Variants in DACH1 observed in about 807,000 individuals in gnomAD.
The protein encoded by DACH1 is dachshund homolog 1.
Under a neutral mutation model 54.2 loss-of-function variants are expected in DACH1, and 12 were observed. The observed-to-expected ratio is 0.22, with a 90% confidence interval of 0.14 to 0.36. DACH1 has a LOEUF of 0.36. Ranked by LOEUF, DACH1 falls within the 10% of genes least tolerant of loss-of-function variation. DACH1 has a pLI of 1.00. For missense variants in DACH1, 805 were observed against 929.8 expected (o/e 0.87, Z 1.75); for synonymous variants, 386 against 366.2 (o/e 1.05, Z -0.62).
At chr13:71,799,176 G>A (rs74099140) in intron 1 of DACH1, among the ~76,000 whole-genome samples, 4,463 of 152,116 alleles carry the variant, frequency 0.029, 217 homozygotes, top group African/African-American at 0.1. Context: ...GCCCAGAAGT[G>A]TTTATTTGTA....
rs117739822 is a variant in DACH1, at chr13:71,863,941, T to C, written c.848+1981A>G. On this transcript the variant is annotated intron_variant, in intron 1 of 10. Coordinates refer to ENST00000613252, the MANE Select transcript of DACH1 (RefSeq NM_080759.6). The stretch of plus-strand genomic sequence containing the variant: ...TTTACTGGATAGGCAGACAATTTTA[T>C]AACAATCGTATCTGAACTAGCTTCA... 3.7e-3 allele frequency among the ~76,000 whole-genome samples: 564 copies of C among 151,786 alleles called. 8 individuals are homozygous for C. In the East Asian group the frequency reaches 0.053, roughly 14 times the overall value.
chr13:71,760,274 C>G (rs148895961), intron 1 of DACH1, among the ~76,000 whole-genome samples: 1 of 152,290 alleles, frequency 6.6e-6, no homozygotes, highest in East Asian at 1.9e-4. Context: ...GTCTATCATG[C>G]TGCCATGGGA....
chr13:71,802,165 T>TC (rs1688544575), intron 1 of DACH1, among the ~76,000 whole-genome samples: 1 of 152,216 alleles, frequency 6.6e-6, no homozygotes, highest in South Asian at 2.1e-4. Flanking sequence ...CCTTTTTTTT[T>TC]CCTGTCTGAT....
At chr13:71,448,668 T>C (rs1339473198) in intron 10 of DACH1, among the ~76,000 whole-genome samples, 1 of 152,226 alleles carries the variant, frequency 6.6e-6, no homozygotes, top group Admixed American at 6.5e-5. Flanking sequence ...CACAGGCCCA[T>C]TTATAAGAGG....
intron 1 of DACH1, among the ~76,000 whole-genome samples, chr13:71,790,484 A>G (rs1886789640): frequency 6.6e-6 from 1 of 152,118 alleles, no homozygotes; most frequent in Non-Finnish European, 1.5e-5. Context: ...GGCATAATGC[A>G]GGGATGTGGA....
At chr13:71,744,090 G>T (rs911414169) in intron 1 of DACH1, among the ~76,000 whole-genome samples, 4 of 152,112 alleles carry the variant, frequency 2.6e-5, no homozygotes, top group African/African-American at 9.7e-5. Flanking sequence ...TTTACTAAAA[G>T]CATTGCACTT....
At chr13:71,517,100 A>G (rs1881218935) in intron 6 of DACH1, among the ~76,000 whole-genome samples, 1 of 151,820 alleles carries the variant, frequency 6.6e-6, no homozygotes, top group Non-Finnish European at 1.5e-5. Context: ...TTATCACTAG[A>G]AAGTGATAAT....
intron 2 of DACH1, among the ~76,000 whole-genome samples, chr13:71,660,511 A>C (rs899048855): frequency 1.7e-4 from 26 of 152,070 alleles, no homozygotes; most frequent in African/African-American, 5.3e-4. Flanking sequence ...GTTATGAGAC[A>C]ACCATAGCCC....
chr13:71,596,427 T>C (rs1254099836), intron 3 of DACH1, among the ~76,000 whole-genome samples: 1 of 152,168 alleles, frequency 6.6e-6, no homozygotes, highest in East Asian at 1.9e-4. Flanking sequence ...ACTTTGGGGA[T>C]TTTGGAAACA....
intron 1 of DACH1, among the ~76,000 whole-genome samples, chr13:71,836,165 A>C (rs946616384): frequency 5.9e-5 from 9 of 151,992 alleles, no homozygotes; most frequent in African/African-American, 2.2e-4. Context: ...TCCTTTCACC[A>C]TCTTGAGAAA....
chr13:71,864,212 C>CA (rs1334774765), intron 1 of DACH1, among the ~76,000 whole-genome samples: 2 of 104,478 alleles, frequency 1.9e-5, no homozygotes, highest in East Asian at 1.1e-3. Flanking sequence ...CACACACACA[C>CA]ACAACATTTA....
At chr13:71,831,515 T>A (rs954005414) in intron 1 of DACH1, among the ~76,000 whole-genome samples, 1 of 151,816 alleles carries the variant, frequency 6.6e-6, no homozygotes, top group African/African-American at 2.4e-5. Flanking sequence ...ACATAACTTG[T>A]GATATATAGG....
chr13:71,670,137 T>A (rs188823214), intron 2 of DACH1, among the ~76,000 whole-genome samples: 2 of 152,194 alleles, frequency 1.3e-5, no homozygotes, highest in East Asian at 3.9e-4. Context: ...ACTGTATATA[T>A]CTTCAGCCAT....
chr13:71,795,038 T>G (rs58783719), intron 1 of DACH1, among the ~76,000 whole-genome samples: 1,548 of 152,266 alleles, frequency 0.01, 18 homozygotes, highest in African/African-American at 0.036. Flanking sequence ...GAAGTCCTAG[T>G]TAATTTTTTA....
intron 1 of DACH1, among the ~76,000 whole-genome samples, chr13:71,772,338 TAA>T (rs1885892101): frequency 6.6e-6 from 1 of 151,688 alleles, no homozygotes; most frequent in Non-Finnish European, 1.5e-5. Context: ...GCACAATTTT[TAA>T]AAGTTTAACC....
chr13:71,624,601 AAAACAAAC>A (rs574645255), intron 3 of DACH1, among the ~76,000 whole-genome samples: 1 of 151,914 alleles, frequency 6.6e-6, no homozygotes, highest in East Asian at 1.9e-4. Flanking sequence ...TCTAGTTACC[AAAACAAAC>A]AAACAAACAA....
intron 1 of DACH1, among the ~76,000 whole-genome samples, chr13:71,708,628 T>C (rs1334561057): frequency 6.6e-6 from 1 of 151,936 alleles, no homozygotes; most frequent in Non-Finnish European, 1.5e-5. Context: ...GAAGAATATA[T>C]CTAAGTGTAA....
intron 3 of DACH1, among the ~76,000 whole-genome samples, chr13:71,621,098 T>C (rs1236933510): frequency 6.6e-6 from 1 of 151,926 alleles, no homozygotes; most frequent in African/African-American, 2.4e-5. Flanking sequence ...ATATTACATA[T>C]ATAATGTATA....
In DACH1 at chr13:71,855,141, GT is replaced by G. The variant is rs550293233; in HGVS notation, c.848+10780del. Among the ~76,000 whole-genome samples the G allele has an allele frequency of 2.7e-3, 407 of 152,008 alleles. 6 individuals are homozygous for G. The highest frequency in any genetic ancestry group is 7.7e-4 in the East Asian group (4 of 5,182). On this transcript the variant is annotated intron_variant, in intron 1 of 10. Transcript: ENST00000613252. ...TATAATTATTATTAGAGACTTTTAT[GT>G]TTGGTTCTTATTGGGAAATAACCAA... is the stretch of plus-strand genomic sequence containing the variant.
Sources: allele counts gnomAD v4.1 joint callset (sites outside exome capture counted in the v4.1 genomes callset), GRCh38; gene constraint gnomAD v4.1.1; transcripts MANE v1.5; gene names NCBI Gene and HGNC (gene_info 2026-07-23, HGNC 2026-07-21).